Variants in C10orf90 observed in about 807,000 individuals in gnomAD.
C10orf90 encodes chromosome 10 open reading frame 90.
C10orf90 carries 56 observed loss-of-function variants against 62.5 expected under a neutral mutation model. The ratio of observed to expected loss-of-function variants is 0.90; its 90% CI spans 0.72 to 1.12. C10orf90 has a LOEUF of 1.12. Ranked by LOEUF, C10orf90 falls within the 50% of genes most tolerant of loss-of-function variation. The pLI, the probability that C10orf90 is intolerant of heterozygous loss-of-function variation, is 0.00. For missense variants in C10orf90, 970 were observed against 880.4 expected (o/e 1.10, Z -1.29); for synonymous variants, 386 against 340.4 (o/e 1.13, Z -1.47).
chr10:126,663,377 A>G (rs1846556616), intron 1 of C10orf90, among the ~76,000 whole-genome samples: 1 of 145,348 alleles, frequency 6.9e-6, no homozygotes. Flanking sequence ...TAATCTGCAG[A>G]AGAAGACGTA....
chr10:126,668,216 A>G (rs1433357730), intron 1 of C10orf90, among the ~76,000 whole-genome samples: 3 of 152,226 alleles, frequency 2.0e-5, no homozygotes, highest in African/African-American at 7.2e-5. Context: ...AAAATCTCCA[A>G]AACTCACTTT....
chr10:126,638,121 C>T (rs1403924722), intron 2 of C10orf90, among the ~76,000 whole-genome samples: 7 of 152,142 alleles, frequency 4.6e-5, no homozygotes, highest in African/African-American at 7.2e-5. Flanking sequence ...AGAGCGATGG[C>T]GGGCTCTAGG....
intron 4 of C10orf90, chr10:126,502,738 G>C: frequency 2.0e-6 from 1 of 494,164 alleles, no homozygotes; most frequent in Non-Finnish European, 4.1e-6. Flanking sequence ...CAATAAGGAA[G>C]ACGAAGTGCT....
chr10:126,452,913 C>A (rs1485543259), intron 7 of C10orf90, among the ~76,000 whole-genome samples: 2 of 152,104 alleles, frequency 1.3e-5, no homozygotes, highest in Non-Finnish European at 2.9e-5. Flanking sequence ...TTATTAAAGG[C>A]TATATGGAGA....
At chr10:126,490,481 G>A (rs1322586924) in intron 4 of C10orf90, among the ~76,000 whole-genome samples, 1 of 151,776 alleles carries the variant, frequency 6.6e-6, no homozygotes, top group Non-Finnish European at 1.5e-5. Context: ...TGGCTTCCAG[G>A]GAATGGGTAT....
At chr10:126,439,071 C>T (rs922734450) in intron 7 of C10orf90, among the ~76,000 whole-genome samples, 1 of 152,154 alleles carries the variant, frequency 6.6e-6, no homozygotes, top group African/African-American at 2.4e-5. Context: ...TCAAGAGAAA[C>T]CCCCTTGGCC....
chr10:126,641,037 CA>C (rs1275858174), intron 2 of C10orf90, among the ~76,000 whole-genome samples: 1 of 152,112 alleles, frequency 6.6e-6, no homozygotes, highest in Non-Finnish European at 1.5e-5. Flanking sequence ...ACTGAAATTC[CA>C]AAAATTAGAG....
intron 4 of C10orf90, among the ~76,000 whole-genome samples, chr10:126,468,342 C>A (rs921692394): frequency 6.6e-6 from 1 of 152,212 alleles, no homozygotes; most frequent in Admixed American, 6.5e-5. Flanking sequence ...GCTAGGATTA[C>A]AGGCGTGAGC....
At chr10:126,486,176 G>T (rs1260835813) in intron 4 of C10orf90, among the ~76,000 whole-genome samples, 1 of 152,106 alleles carries the variant, frequency 6.6e-6, no homozygotes, top group Non-Finnish European at 1.5e-5. Context: ...AGTCAGACTG[G>T]AAATCCCTGC....
chr10:126,442,657 AT>A (rs2134031795), intron 7 of C10orf90, among the ~76,000 whole-genome samples: 1 of 94,384 alleles, frequency 1.1e-5, no homozygotes, highest in African/African-American at 3.7e-5. Context: ...ATATATATAT[AT>A]ATATATATAT....
In C10orf90 at chr10:126,505,078, A is replaced by G; in HGVS notation, c.413T>C (p.Leu138Pro). 6 of 1,604,952 alleles carry G rather than the reference A, an allele frequency of 3.7e-6. No homozygotes were observed. The highest frequency in any genetic ancestry group is 5.1e-6 in the Non-Finnish European group (6 of 1,174,538). The change falls in exon 4 of 10, where the codon CTG becomes CCG. Residue 138 changes from leucine (L) to proline (P), a missense_variant. Transcript: ENST00000488181. ...AATCATTTTTGTGTTTTGTGATGCC[A>G]GGGTCTCCTGCAAATAGAAAAAGAT... is the stretch of plus-strand genomic sequence containing the variant. ...EAKSDFTKET[L>P]ASQNTKMISS... is the part of the protein sequence containing the mutation.
intron 2 of C10orf90, among the ~76,000 whole-genome samples, chr10:126,565,337 T>A (rs1233382010): frequency 2.5e-5 from 1 of 40,054 alleles, no homozygotes; most frequent in Non-Finnish European, 4.0e-5. Flanking sequence ...ATTTATATTA[T>A]ATATAATATA....
In C10orf90 at chr10:126,425,302, G is replaced by C. The variant is rs1458163001; in HGVS notation, c.*562C>G. ...GACTGCTCCAGGTCACAAAGAGATG[G>C]GCTGATTGTTCCACAGCCTCGGGCA... On this transcript the variant is annotated 3_prime_UTR_variant, in exon 10 of 10. Transcript: ENST00000488181. 6.5e-6 allele frequency: 1 copy of C among 152,746 alleles called. No individual in the cohort carries two copies. The highest frequency in any genetic ancestry group is 2.4e-5 in the African/African-American group (1 of 41,432). The allele number at this position is 152,746 out of a possible 1,614,324, so 9.5% of individuals were successfully genotyped here. A position where few individuals can be genotyped will look rare whatever the true frequency, so the allele number is the denominator to read the frequency against.
intron 7 of C10orf90, among the ~76,000 whole-genome samples, chr10:126,446,828 T>C (rs1443167618): frequency 8.6e-6 from 1 of 116,814 alleles, no homozygotes. Flanking sequence ...GCTACAATAA[T>C]TTGTTAAGAA....
chr10:126,503,385 CAG>C (rs2133882520), intron 4 of C10orf90, among the ~76,000 whole-genome samples: 1 of 152,336 alleles, frequency 6.6e-6, no homozygotes, highest in African/African-American at 2.4e-5. Context: ...CTATTTGGCA[CAG>C]AGAGTCCCTG....
At chr10:126,544,809 C>G (rs1864453830) in intron 2 of C10orf90, among the ~76,000 whole-genome samples, 1 of 147,802 alleles carries the variant, frequency 6.8e-6, no homozygotes, top group African/African-American at 2.5e-5. Flanking sequence ...CCTGCCTTGC[C>G]CTATCAATCC....
At chr10:126,610,451 A>G (rs1027953036) in intron 2 of C10orf90, among the ~76,000 whole-genome samples, 6 of 152,132 alleles carry the variant, frequency 3.9e-5, no homozygotes, top group Admixed American at 1.3e-4. Flanking sequence ...AAATTCTCCT[A>G]AAACTACCTA....
rs1471538934 is a variant in C10orf90, at chr10:126,567,658, CAGA to C, written c.314-53722_314-53720del. On this transcript the variant is annotated intron_variant, in intron 2 of 9. Coordinates refer to ENST00000488181, the MANE Select transcript of C10orf90 (RefSeq NM_001350921.2). ...ACCACAGAAAGGGGTGTCCTTGAGCCAGAAGAAGATCGAGACTCGACTGCATTC... is the reference window on the plus strand; with the variant it reads ...ACCACAGAAAGGGGTGTCCTTGAGCCAGAAGATCGAGACTCGACTGCATTC... 2.0e-5 allele frequency among the ~76,000 whole-genome samples: 3 copies of C among 152,208 alleles called. No individual in the cohort carries two copies. In the South Asian group the frequency reaches 6.2e-4, roughly 32 times the overall value.
chr10:126,599,695 A>G (rs1233479369), intron 2 of C10orf90, among the ~76,000 whole-genome samples: 1 of 152,092 alleles, frequency 6.6e-6, no homozygotes, highest in Non-Finnish European at 1.5e-5. Context: ...AAACCTGGTA[A>G]TAGGGGATTA....
Sources: gnomAD v4.1 joint callset for allele counts (sites outside exome capture counted in the v4.1 genomes callset) on GRCh38, gnomAD v4.1.1 for gene constraint, MANE v1.5 for transcripts, NCBI Gene and HGNC (gene_info 2026-07-23, HGNC 2026-07-21) for gene names.